HTR2C: variants seen among roughly 807,000 people sequenced by gnomAD.
The protein encoded by HTR2C is 5-hydroxytryptamine (serotonin) receptor 2C, G protein-coupled.
Under a neutral mutation model 21.0 loss-of-function variants are expected in HTR2C, and 5 were observed. The observed-to-expected ratio is 0.24, with a 90% CI of 0.12 to 0.50. HTR2C has a LOEUF of 0.50. Among genes scored for constraint, HTR2C ranks in the 20% least tolerant of loss-of-function variants. The pLI, the probability that HTR2C is intolerant of heterozygous loss-of-function variation, is 0.98. For synonymous variants in HTR2C, 150 were observed against 145.3 expected (o/e 1.03, Z -0.23); for missense variants, 271 against 371.2 (o/e 0.73, Z 2.22).
chrX:114,593,385 T>C (rs1409693382), intron 1 of HTR2C, among the ~76,000 whole-genome samples: 2 of 111,502 alleles, frequency 1.8e-5, no homozygotes, highest in Non-Finnish European at 3.8e-5. Context: ...TGCATGCCAC[T>C]GCACCTGGCT....
intron 2 of HTR2C, among the ~76,000 whole-genome samples, chrX:114,635,471 T>G (rs1301812682): frequency 1.8e-5 from 2 of 112,050 alleles, no homozygotes; most frequent in East Asian, 5.6e-4. Flanking sequence ...AAGAAGAGTA[T>G]GTTAATAAGA....
At chrX:114,738,051 T>C in intron 4 of HTR2C, among the ~76,000 whole-genome samples, 1 of 112,056 alleles carries the variant, frequency 8.9e-6, no homozygotes. Flanking sequence ...GAATCCAATG[T>C]CATGTGAATT....
chrX:114,760,778 C>A (rs1405417581), intron 4 of HTR2C, among the ~76,000 whole-genome samples: 1 of 111,688 alleles, frequency 9.0e-6, no homozygotes, highest in Non-Finnish European at 1.9e-5. Context: ...CCACCTCGGC[C>A]TCCCAAACTG....
chrX:114,676,184 A>G (rs1009232535), intron 2 of HTR2C, among the ~76,000 whole-genome samples: 1 of 111,494 alleles, frequency 9.0e-6, no homozygotes, highest in Non-Finnish European at 1.9e-5. Flanking sequence ...AGACTTTTTG[A>G]TAACCATATC....
rs1217017140 is a variant in HTR2C, at chrX:114,877,856, A to C, written c.551-28733A>C. ...TTTCAATCTTCTTAAATTCATTAAG[A>C]ATTGTTTTTCAACCTAACAAATGCT... On this transcript the variant is annotated intron_variant, in intron 5 of 5. Transcript: ENST00000276198. Among the ~76,000 whole-genome samples, 6 of 110,669 alleles carry C rather than the reference A, an allele frequency of 5.4e-5. No individual in the cohort carries two copies. In the East Asian group the frequency reaches 1.1e-3, roughly 21 times the overall value.
At chrX:114,699,608 T>C (rs1214200386) in intron 2 of HTR2C, among the ~76,000 whole-genome samples, 1 of 111,730 alleles carries the variant, frequency 9.0e-6, no homozygotes, top group African/African-American at 3.3e-5. Flanking sequence ...CCTCATTAAG[T>C]GTATTTTGTT....
chrX:114,833,600 T>C lies in HTR2C; in HGVS notation c.350-14403T>C, dbSNP rs1231272440. 2.2e-3 allele frequency among the ~76,000 whole-genome samples: 242 copies of C among 110,503 alleles called. 1 individual carries two copies. Among genetic ancestry groups the C allele is most frequent in the Non-Finnish European group, 3.9e-3 (207 of 52,696 alleles). ...TTTGATTCTTCTCTCTTTTTTTCTT[T>C]ATTAGTCTTGCTAGCAGTCTATCAA... On this transcript the variant is annotated intron_variant, in intron 4 of 5. Coordinates refer to ENST00000276198, the MANE Select transcript of HTR2C (RefSeq NM_000868.4).
intron 5 of HTR2C, among the ~76,000 whole-genome samples, chrX:114,876,884 A>G (rs1254988829): frequency 9.0e-6 from 1 of 111,014 alleles, no homozygotes; most frequent in African/African-American, 3.3e-5. Flanking sequence ...TATGCTCATC[A>G]AAGATATTGG....
At chrX:114,708,380 T>C (rs1176335961) in intron 2 of HTR2C, among the ~76,000 whole-genome samples, 2 of 112,258 alleles carry the variant, frequency 1.8e-5, no homozygotes, top group African/African-American at 6.5e-5. Context: ...AACCCAAAGT[T>C]CTATGCTCCT....
chrX:114,830,992 C>A (rs1272792696), intron 4 of HTR2C, among the ~76,000 whole-genome samples: 1 of 83,842 alleles, frequency 1.2e-5, no homozygotes, highest in Non-Finnish European at 2.3e-5. Context: ...ATGATAATTT[C>A]CAATTTCATC....
chrX:114,824,169 G>A (rs782515160), intron 4 of HTR2C, among the ~76,000 whole-genome samples: 47 of 111,509 alleles, frequency 4.2e-4, no homozygotes, highest in African/African-American at 1.5e-3. Context: ...GAAAGTTAGC[G>A]GCATGTCCCT....
intron 1 of HTR2C, among the ~76,000 whole-genome samples, chrX:114,608,066 C>A (rs1245120334): frequency 9.0e-6 from 1 of 111,416 alleles, no homozygotes; most frequent in Non-Finnish European, 1.9e-5. Flanking sequence ...GTAATGTATT[C>A]CCCCAATGGA....
At chrX:114,805,626 CAT>C (rs781967443) in intron 4 of HTR2C, among the ~76,000 whole-genome samples, 1 of 9,507 alleles carries the variant, frequency 1.1e-4, no homozygotes, top group African/African-American at 5.4e-4. Context: ...ATATATATAC[CAT>C]ATATATACCA....
chrX:114,837,072 A>C (rs782241146), intron 4 of HTR2C, among the ~76,000 whole-genome samples: 6 of 111,939 alleles, frequency 5.4e-5, no homozygotes, highest in Non-Finnish European at 1.1e-4. Context: ...TAGTTTGCTG[A>C]AATTTATTCA....
At chrX:114,844,273 A>G (rs1332193475) in intron 4 of HTR2C, among the ~76,000 whole-genome samples, 1 of 111,975 alleles carries the variant, frequency 8.9e-6, no homozygotes, top group Non-Finnish European at 1.9e-5. Flanking sequence ...ATCTTTGTAT[A>G]GTATTGAAAC....
At chrX:114,675,956 G>A (rs1490772666) in intron 2 of HTR2C, among the ~76,000 whole-genome samples, 2 of 100,276 alleles carry the variant, frequency 2.0e-5, no homozygotes, top group South Asian at 5.2e-4. Flanking sequence ...TGCAACCTCC[G>A]CCTCCTGGGT....
At chrX:114,702,466 C>T (rs1245886444) in intron 2 of HTR2C, among the ~76,000 whole-genome samples, 1 of 109,456 alleles carries the variant, frequency 9.1e-6, no homozygotes, top group Non-Finnish European at 1.9e-5. Context: ...AACTAAGCTT[C>T]ATAAGTGAAG....
chrX:114,741,523 C>A (rs1458162190), intron 4 of HTR2C, among the ~76,000 whole-genome samples: 2 of 5,512 alleles, frequency 3.6e-4, no homozygotes, highest in African/African-American at 8.0e-4. Context: ...ACGACTCCGT[C>A]TAAAAAAAAA....
intron 1 of HTR2C, among the ~76,000 whole-genome samples, chrX:114,605,299 G>A (rs1421586349): frequency 1.8e-5 from 2 of 111,342 alleles, no homozygotes; most frequent in East Asian, 5.7e-4. Context: ...AAAGATTATA[G>A]GGTGGAGGAG....
Sources: gnomAD v4.1 joint callset for allele counts (sites outside exome capture counted in the v4.1 genomes callset) on GRCh38, gnomAD v4.1.1 for gene constraint, MANE v1.5 for transcripts, NCBI Gene and HGNC (gene_info 2026-07-23, HGNC 2026-07-21) for gene names.